Variants in NTM observed in about 807,000 individuals in gnomAD.
The protein encoded by NTM is neurotrimin, also known as IgLON family member 2.
NTM carries 13 observed loss-of-function variants against 42.1 expected under a neutral mutation model. The observed-to-expected ratio is 0.31, with a 90% CI of 0.20 to 0.49. The LOEUF is 0.49. NTM is among the 20% of genes least tolerant of loss of function. The pLI, the probability that NTM is intolerant of heterozygous loss-of-function variation, is 0.99. For synonymous variants in NTM, 187 were observed against 179.2 expected (o/e 1.04, Z -0.35); for missense variants, 373 against 452.8 (o/e 0.82, Z 1.60).
intron 1 of NTM, among the ~76,000 whole-genome samples, chr11:131,684,466 C>T (rs536630105): frequency 7.9e-5 from 12 of 152,344 alleles, no homozygotes; most frequent in Middle Eastern, 3.4e-3. Context: ...CTGGCAGCAT[C>T]CCCTGGTGCC....
At chr11:131,749,438 A>T (rs2082208455) in intron 1 of NTM, among the ~76,000 whole-genome samples, 1 of 152,240 alleles carries the variant, frequency 6.6e-6, no homozygotes, top group Non-Finnish European at 1.5e-5. Flanking sequence ...GCATGTCATT[A>T]TGACATTTAC....
At chr11:131,462,523 A>G (rs1346968893) in intron 1 of NTM, among the ~76,000 whole-genome samples, 2 of 152,252 alleles carry the variant, frequency 1.3e-5, no homozygotes, top group Admixed American at 6.5e-5. Context: ...CGTTGAAGTT[A>G]GTGAATTCGG....
chr11:131,733,141 C>T (rs563029636), intron 1 of NTM, among the ~76,000 whole-genome samples: 8 of 151,916 alleles, frequency 5.3e-5, no homozygotes, highest in South Asian at 2.1e-4. Flanking sequence ...TGATTATTTT[C>T]GGAATAACTT....
intron 1 of NTM, among the ~76,000 whole-genome samples, chr11:131,668,886 A>T (rs750126856): frequency 2.0e-5 from 3 of 152,218 alleles, no homozygotes; most frequent in Non-Finnish European, 2.9e-5. Context: ...AGTTATTATG[A>T]GGCATTTCAA....
At chr11:131,903,300 C>G (rs2053424960) in intron 1 of NTM, among the ~76,000 whole-genome samples, 1 of 152,170 alleles carries the variant, frequency 6.6e-6, no homozygotes, top group Admixed American at 6.5e-5. Context: ...ATCTAGATAG[C>G]CATGTCCCAG....
intron 4 of NTM, among the ~76,000 whole-genome samples, chr11:132,212,646 A>C (rs149734929): frequency 6.6e-6 from 1 of 152,336 alleles, no homozygotes; most frequent in African/African-American, 2.4e-5. Flanking sequence ...CCTAGAGAAC[A>C]AATATAACTT....
intron 1 of NTM, among the ~76,000 whole-genome samples, chr11:131,722,721 C>T (rs1425860267): frequency 3.3e-5 from 5 of 152,186 alleles, no homozygotes; most frequent in African/African-American, 1.2e-4. Context: ...AAGTGACAGC[C>T]ACAGACACTG....
At chr11:131,485,918 C>G (rs1954127393) in intron 1 of NTM, among the ~76,000 whole-genome samples, 1 of 152,188 alleles carries the variant, frequency 6.6e-6, no homozygotes, top group African/African-American at 2.4e-5. Flanking sequence ...GCAGTCCACA[C>G]TTCACCTATG....
intron 1 of NTM, among the ~76,000 whole-genome samples, chr11:131,554,198 C>G (rs938760069): frequency 6.6e-6 from 1 of 152,180 alleles, no homozygotes; most frequent in Admixed American, 6.5e-5. Flanking sequence ...GATCATGTGG[C>G]TCCTTCATGG....
Position 131,370,756 on chromosome 11 carries a change from G to T in NTM, c.-51G>T, listed in dbSNP as rs757988145. The T allele has an allele frequency of 4.0e-6, 6 of 1,503,776 alleles. No individual in the cohort carries two copies. Among genetic ancestry groups the T allele is most frequent in the East Asian group, 4.5e-5 (2 of 44,320 alleles). 93.2% of individuals were successfully genotyped at this position (1,503,776 alleles called of 1,614,324 possible). A position where few individuals can be genotyped will look rare whatever the true frequency, so the allele number is the denominator to read the frequency against. The stretch of plus-strand genomic sequence containing the variant: ...CACAATCTATCAGGAAAGAAAGAAA[G>T]AAAAAAACCGAACCTGACAAAAAAG... On this transcript the variant is annotated 5_prime_UTR_variant, in exon 1 of 9. Transcript: ENST00000683400.
At chr11:131,503,389 T>C (rs75723629) in intron 1 of NTM, among the ~76,000 whole-genome samples, 9,727 of 152,142 alleles carry the variant, frequency 0.064, 1,072 homozygotes, top group African/African-American at 0.22. Context: ...TTTCTGGCTC[T>C]GCAGTAATGT....
intron 2 of NTM, among the ~76,000 whole-genome samples, chr11:132,062,802 G>A (rs1465750445): frequency 1.3e-5 from 2 of 152,144 alleles, no homozygotes. Context: ...CAAGTCAATA[G>A]AAATGAAGTC....
intron 2 of NTM, among the ~76,000 whole-genome samples, chr11:132,111,743 A>G (rs1295235508): frequency 6.6e-6 from 1 of 152,274 alleles, no homozygotes; most frequent in South Asian, 2.1e-4. Context: ...TCATCGCACC[A>G]AATGACTTCC....
intron 1 of NTM, among the ~76,000 whole-genome samples, chr11:131,446,257 TC>T (rs150829769): frequency 0.13 from 20,494 of 152,084 alleles, 1,498 homozygotes; most frequent in South Asian, 0.18. Context: ...GGACAACTGT[TC>T]CTATTACCGT....
intron 1 of NTM, among the ~76,000 whole-genome samples, chr11:131,779,026 T>C (rs2087571577): frequency 6.6e-6 from 1 of 152,216 alleles, no homozygotes; most frequent in Non-Finnish European, 1.5e-5. Context: ...CCTTCTGTCC[T>C]GGAAGGAAGC....
intron 1 of NTM, among the ~76,000 whole-genome samples, chr11:131,578,991 G>A (rs940030619): frequency 5.9e-5 from 9 of 152,136 alleles, no homozygotes; most frequent in African/African-American, 1.9e-4. Context: ...GGAGGAAACC[G>A]GACTTGGGGA....
At chr11:131,795,314 C>T (rs745580359) in intron 1 of NTM, 250 of 808,480 alleles carry the variant, frequency 3.1e-4, no homozygotes, top group Non-Finnish European at 3.7e-4. Context: ...AATGCAGTGC[C>T]CAGGCGCTCC....
At chr11:132,080,383 T>G (rs2136273110) in intron 2 of NTM, among the ~76,000 whole-genome samples, 1 of 152,346 alleles carries the variant, frequency 6.6e-6, no homozygotes, top group African/African-American at 2.4e-5. Context: ...CTTATCTTAG[T>G]ACCAAAACTC....
chr11:131,740,906 G>A (rs567814722), intron 1 of NTM, among the ~76,000 whole-genome samples: 15 of 152,228 alleles, frequency 9.9e-5, no homozygotes, highest in South Asian at 2.1e-4. Flanking sequence ...GGTGGCTCAC[G>A]CCTGTAATCC....
Sources: allele counts gnomAD v4.1 joint callset (sites outside exome capture counted in the v4.1 genomes callset), GRCh38; gene constraint gnomAD v4.1.1; transcripts MANE v1.5; gene names NCBI Gene and HGNC (gene_info 2026-07-23, HGNC 2026-07-21).